Variants in MYO5B observed in about 807,000 individuals in gnomAD.
The protein encoded by MYO5B is myosin VB.
In MYO5B, 143 loss-of-function variants were observed where a neutral mutation model predicts 229.3. The observed-to-expected ratio is 0.62, with a 90% CI of 0.54 to 0.72. The LOEUF (loss-of-function observed/expected upper bound fraction) is 0.72, where lower values mean the gene tolerates loss of function less well. Among genes scored for constraint, MYO5B ranks in the 30% least tolerant of loss-of-function variants. MYO5B has a pLI of 0.00. For synonymous variants in MYO5B, 918 were observed against 885.2 expected (o/e 1.04, Z -0.66); for missense variants, 2,321 against 2,331.0 (o/e 1.00, Z 0.09).
intron 17 of MYO5B, among the ~76,000 whole-genome samples, chr18:49,923,456 C>T (rs925933406): frequency 6.6e-6 from 1 of 152,172 alleles, no homozygotes; most frequent in South Asian, 2.1e-4. Flanking sequence ...CCCATGTGAG[C>T]CCCTAGAAGC....
intron 12 of MYO5B, among the ~76,000 whole-genome samples, chr18:49,954,991 C>T (rs1282515669): frequency 6.6e-6 from 1 of 152,222 alleles, no homozygotes; most frequent in African/African-American, 2.4e-5. Flanking sequence ...CAAGCTCTTA[C>T]ACATGCCCTA....
Position 49,837,699 on chromosome 18 carries a change from G to A in MYO5B, c.4956C>T (p.Tyr1652=). Residue 1652 remains tyrosine (Y), a synonymous_variant, in exon 37 of 40, where the codon TAC becomes TAT. Transcript: ENST00000285039. ...TCTGGCGGATGATAGCTTCCAGGCA[G>A]TATGAGTTATCCCCATCTGCCATGC... ...SSSMADGDNS[Y]CLEAIIRQMN... 1 of 1,614,202 alleles carries A rather than the reference G, an allele frequency of 6.2e-7. No homozygotes were observed. The highest frequency in any genetic ancestry group is 1.1e-5 in the South Asian group (1 of 91,086).
intron 1 of MYO5B, among the ~76,000 whole-genome samples, chr18:50,090,397 A>C (rs528871417): frequency 2.7e-4 from 41 of 152,198 alleles, no homozygotes; most frequent in African/African-American, 9.9e-4. Flanking sequence ...CATGTAAGAC[A>C]CACTTTGTGT....
chr18:50,132,513 C>G (rs2032269728), intron 1 of MYO5B, among the ~76,000 whole-genome samples: 1 of 152,204 alleles, frequency 6.6e-6, no homozygotes, highest in Non-Finnish European at 1.5e-5. Context: ...TTAACTCTTT[C>G]TAGGCCGACA....
intron 1 of MYO5B, among the ~76,000 whole-genome samples, chr18:50,181,995 T>C (rs1248939209): frequency 1.3e-5 from 2 of 152,242 alleles, no homozygotes; most frequent in Admixed American, 6.5e-5. Context: ...TTAATGCTTA[T>C]TCATACGACA....
intron 21 of MYO5B, among the ~76,000 whole-genome samples, chr18:49,896,124 T>G (rs1379793702): frequency 6.6e-6 from 1 of 152,126 alleles, no homozygotes; most frequent in Non-Finnish European, 1.5e-5. Context: ...GAAATTAAAC[T>G]TCACAGAAAA....
At chr18:49,972,143 C>T (rs1435462608) in intron 10 of MYO5B, among the ~76,000 whole-genome samples, 1 of 152,166 alleles carries the variant, frequency 6.6e-6, no homozygotes, top group Non-Finnish European at 1.5e-5. Flanking sequence ...ACCAAGTCCT[C>T]CAGGTTGCCA....
At chr18:49,953,023 A>C (rs1025981252) in intron 14 of MYO5B, among the ~76,000 whole-genome samples, 1 of 150,218 alleles carries the variant, frequency 6.7e-6, no homozygotes, top group Non-Finnish European at 1.5e-5. Flanking sequence ...CTACCCCTAC[A>C]CTCCTTGCTT....
intron 39 of MYO5B, 83 bp downstream of exon 39, chr18:49,835,261 G>A: frequency 1.0e-6 from 1 of 964,692 alleles, no homozygotes; most frequent in Non-Finnish European, 1.7e-6. Context: ...TAGTAATAAA[G>A]AGAAGCAAGA....
At chr18:50,176,913 G>C (rs2033004881) in intron 1 of MYO5B, among the ~76,000 whole-genome samples, 2 of 152,170 alleles carry the variant, frequency 1.3e-5, no homozygotes, top group Admixed American at 1.3e-4. Flanking sequence ...TCTTGCCTGT[G>C]TATTTATGGT....
chr18:49,934,050 A>AT (rs767806179), intron 16 of MYO5B, among the ~76,000 whole-genome samples: 7 of 151,944 alleles, frequency 4.6e-5, no homozygotes, highest in Non-Finnish European at 8.8e-5. Context: ...TAATTTTAAA[A>AT]TTTTTTGTAG....
chr18:49,910,348 A>G (rs190518253), intron 18 of MYO5B, among the ~76,000 whole-genome samples: 63 of 152,368 alleles, frequency 4.1e-4, no homozygotes, highest in African/African-American at 1.4e-3. Context: ...AGAAGAGGGA[A>G]ACTATGATCC....
chr18:49,953,199 T>A (rs1231380553), intron 14 of MYO5B, 61 bp downstream of exon 14: 1 of 1,505,176 alleles, frequency 6.6e-7, no homozygotes, highest in African/African-American at 1.4e-5. Flanking sequence ...GCATCACCAC[T>A]CCCTGTCCAG....
intron 30 of MYO5B, among the ~76,000 whole-genome samples, chr18:49,855,029 T>A (rs1489978733): frequency 6.6e-6 from 1 of 152,260 alleles, no homozygotes; most frequent in East Asian, 1.9e-4. Context: ...AACATGAGAT[T>A]TGTGGAGGAT....
chr18:49,945,554 C>G (rs1362067209), intron 14 of MYO5B, among the ~76,000 whole-genome samples: 1 of 152,096 alleles, frequency 6.6e-6, no homozygotes, highest in Non-Finnish European at 1.5e-5. Context: ...GAGGGCATAC[C>G]TCCGGGCACA....
chr18:50,097,413 G>C, intron 1 of MYO5B: 1 of 375,736 alleles, frequency 2.7e-6, no homozygotes, highest in South Asian at 2.0e-5. Flanking sequence ...AGATTTAATT[G>C]TACTAATAAA....
chr18:50,040,196 A>G lies in MYO5B; in HGVS notation c.257T>C (p.Leu86Ser). Reference sequence around the variant, plus strand: ...CAGGAAACGGACCTTCAAATTATGCAAAACTGCAGGCTCATGAAGATAGCT... The same window carrying G: ...CAGGAAACGGACCTTCAAATTATGCGAAACTGCAGGCTCATGAAGATAGCT... ...ALSYLHEPAVLHNLKVRFLES... is the reference protein window; with the variant it reads ...ALSYLHEPAVSHNLKVRFLES... Residue 86 changes from leucine (L) to serine (S), a missense_variant, in exon 3 of 40, where the codon TTG becomes TCG. Around this residue, in one of 2 missense-constraint regions of MYO5B, gnomAD observed 2,113 missense variants for 2,044.7 expected, o/e 1.03. Coordinates refer to ENST00000285039, the MANE Select transcript of MYO5B (RefSeq NM_001080467.3). 1.2e-6 allele frequency: 2 copies of G among 1,614,220 alleles called. No homozygotes were observed. Among genetic ancestry groups the G allele is most frequent in the Non-Finnish European group, 1.7e-6 (2 of 1,180,042 alleles).
chr18:50,128,608 C>A (rs575413479), intron 1 of MYO5B, among the ~76,000 whole-genome samples: 1 of 152,206 alleles, frequency 6.6e-6, no homozygotes, highest in African/African-American at 2.4e-5. Flanking sequence ...AGGACTCTCA[C>A]ACTCCCTTGG....
intron 27 of MYO5B, among the ~76,000 whole-genome samples, chr18:49,865,302 A>C (rs552900707): frequency 6.6e-6 from 1 of 151,952 alleles, no homozygotes; most frequent in Non-Finnish European, 1.5e-5. Context: ...AGGGCTCCTG[A>C]CTCCTGGTCC....
Sources: gnomAD v4.1 joint callset for allele counts (sites outside exome capture counted in the v4.1 genomes callset) on GRCh38, gnomAD v4.1.1 for gene constraint, gnomAD v4.1.1 regional missense constraint, MANE v1.5 for transcripts, NCBI Gene and HGNC (gene_info 2026-07-23, HGNC 2026-07-21) for gene names.